The following ACACB variants were observed in gnomAD, a reference collection of about 807,000 sequenced individuals.
The protein encoded by ACACB is acetyl-CoA carboxylase 2.
A neutral mutation model predicts 278.8 loss-of-function variants in ACACB; 209 were observed. The ratio of observed to expected loss-of-function variants is 0.75; its 90% CI spans 0.67 to 0.84. The LOEUF (loss-of-function observed/expected upper bound fraction) is 0.84, where lower values mean the gene tolerates loss of function less well. ACACB is among the 40% of genes least tolerant of loss of function. The pLI is 0.00. For missense variants in ACACB, 2,850 were observed against 3,269.0 expected, an observed-to-expected ratio of 0.87 and a Z score of 3.13; for synonymous variants, 1,174 against 1,285.6, an observed-to-expected ratio of 0.91 and a Z score of 1.86.
chr12:109,146,087 AG>A (rs2043237586), intron 2 of ACACB, among the ~76,000 whole-genome samples: 1 of 152,234 alleles, frequency 6.6e-6, no homozygotes. Context: ...TAACCGTTTG[AG>A]GTCCTGTTTC....
intron 1 of ACACB, among the ~76,000 whole-genome samples, chr12:109,137,689 A>G (rs2043002047): frequency 1.3e-5 from 2 of 152,048 alleles, no homozygotes; most frequent in Non-Finnish European, 1.5e-5. Flanking sequence ...TTAGATACCA[A>G]ATTGACCTGC....
chr12:109,192,100 G>A, intron 15 of ACACB, 150 bp downstream of exon 15: 1 of 817,710 alleles, frequency 1.2e-6, no homozygotes, highest in South Asian at 1.7e-5. Context: ...TTCCTCTACA[G>A]ATCAACCTAG....
intron 2 of ACACB, among the ~76,000 whole-genome samples, chr12:109,156,603 TTG>T (rs1491373211): frequency 5.9e-4 from 46 of 77,762 alleles, no homozygotes; most frequent in African/African-American, 1.4e-3. Context: ...TTTTTTTTTT[TTG>T]GGGGGGGGCT....
rs750637220 is a variant in ACACB at position 109,174,178 on chromosome 12, C to T, written c.1164C>T (p.Ser388=). ...AMWALGDKIA[S]TVVAQTLQVP... ...GGGCCTTAGGAGATAAGATCGCCTCCACCGTTGTCGCCCAGACGCTACAGG... is the reference window on the plus strand; with the variant it reads ...GGGCCTTAGGAGATAAGATCGCCTCTACCGTTGTCGCCCAGACGCTACAGG... Residue 388 remains serine (S), a synonymous_variant, in exon 7 of 53, where the codon TCC becomes TCT. Transcript: ENST00000338432. 2 of 1,613,404 alleles carry T rather than the reference C, an allele frequency of 1.2e-6. No homozygotes were observed. Among genetic ancestry groups the T allele is most frequent in the Admixed American group, 3.3e-5 (2 of 59,962 alleles).
chr12:109,119,347 T>C (rs758764833), intron 1 of ACACB, among the ~76,000 whole-genome samples: 13 of 152,014 alleles, frequency 8.6e-5, no homozygotes, highest in Non-Finnish European at 1.5e-4. Flanking sequence ...TCCCAGCACT[T>C]TGGGAGGCTG....
chr12:109,112,900 G>C (rs1374853697), upstream of ACACB, among the ~76,000 whole-genome samples: 1 of 152,102 alleles, frequency 6.6e-6, no homozygotes, highest in Non-Finnish European at 1.5e-5. Flanking sequence ...GCAGTTACCC[G>C]TTCTCCGTGG....
At chr12:109,225,250 C>T (rs1257706746) in intron 27 of ACACB, among the ~76,000 whole-genome samples, 2 of 152,270 alleles carry the variant, frequency 1.3e-5, no homozygotes, top group African/African-American at 2.4e-5. Context: ...GCCTCACCCT[C>T]CCCAGTAGCT....
In ACACB at chr12:109,175,295, G is replaced by T. The variant is rs1349858057; in HGVS notation, c.1217-636G>T. Among the ~76,000 whole-genome samples, 10 of 151,992 alleles carry T rather than the reference G, an allele frequency of 6.6e-5. No homozygotes were observed. The East Asian group carries it at 1.9e-3, about 29-fold the overall frequency. The stretch of plus-strand genomic sequence containing the variant: ...ATTTGCTTTCATTTGTTAAATCTTT[G>T]CATGGTGTTGGGAAATAATTATTCA... On this transcript the variant is annotated intron_variant, in intron 7 of 52. Coordinates refer to ENST00000338432, the MANE Select transcript of ACACB (RefSeq NM_001093.4).
chr12:109,246,720 C>T lies in ACACB; in HGVS notation c.5571+272C>T, dbSNP rs746444896. ...AAACCCTGAGCTGATATACACTGAGCGCTCCTGAATGCAGTGTGCACTGAG... is the reference window on the plus strand; with the variant it reads ...AAACCCTGAGCTGATATACACTGAGTGCTCCTGAATGCAGTGTGCACTGAG... On this transcript the variant is annotated intron_variant, in intron 39 of 52. Coordinates refer to ENST00000338432, the MANE Select transcript of ACACB (RefSeq NM_001093.4). 4.6e-5 allele frequency among the ~76,000 whole-genome samples: 7 copies of T among 152,100 alleles called. No homozygotes were observed. The East Asian group carries it at 7.7e-4, about 17-fold the overall frequency.
intron 31 of ACACB, among the ~76,000 whole-genome samples, chr12:109,235,084 C>T (rs1274058999): frequency 6.6e-6 from 1 of 152,128 alleles, no homozygotes; most frequent in Non-Finnish European, 1.5e-5. Context: ...CCCAAAAACC[C>T]TCTCCCCACC....
chr12:109,151,770 C>G (rs2043381620), intron 2 of ACACB, among the ~76,000 whole-genome samples: 1 of 152,172 alleles, frequency 6.6e-6, no homozygotes, highest in Non-Finnish European at 1.5e-5. Flanking sequence ...GGGCTTAATG[C>G]ATGAGACAGC....
intron 28 of ACACB, among the ~76,000 whole-genome samples, chr12:109,230,165 T>C (rs2046427178): frequency 6.6e-6 from 1 of 152,226 alleles, no homozygotes; most frequent in Non-Finnish European, 1.5e-5. Flanking sequence ...TAAAATAACT[T>C]TCTTTTCCTG....
rs770652656 is a variant in ACACB, at chr12:109,139,400, T to C, written c.-6T>C. 2 of 1,605,084 alleles carry C rather than the reference T, an allele frequency of 1.2e-6. No individual in the cohort carries two copies. The highest frequency in any genetic ancestry group is 1.7e-6 in the Non-Finnish European group (2 of 1,175,244). On this transcript the variant is annotated 5_prime_UTR_variant, in exon 2 of 53. Transcript: ENST00000338432. ...GTCTCTCCTTTTCTCCTTACAGATTTTCTGAATGGTCTTGCTTCTTTGTCT... is the reference window on the plus strand; with the variant it reads ...GTCTCTCCTTTTCTCCTTACAGATTCTCTGAATGGTCTTGCTTCTTTGTCT...
intron 26 of ACACB, 103 bp downstream of exon 26, chr12:109,223,015 G>A: frequency 1.1e-6 from 1 of 906,432 alleles, no homozygotes; most frequent in African/African-American, 1.6e-5. Context: ...TGCTCAGTGG[G>A]GTGCAGGGCA....
At chr12:109,255,095 TACACAC>T (rs112899240) in intron 44 of ACACB, among the ~76,000 whole-genome samples, 9 of 149,148 alleles carry the variant, frequency 6.0e-5, no homozygotes, top group Non-Finnish European at 6.0e-5. Flanking sequence ...CTTCTATACC[TACACAC>T]ACACACACAC....
intron 2 of ACACB, among the ~76,000 whole-genome samples, chr12:109,147,705 T>G (rs1420560459): frequency 6.6e-6 from 1 of 152,178 alleles, no homozygotes; most frequent in African/African-American, 2.4e-5. Flanking sequence ...TTTGAATATC[T>G]GCTAAATACA....
At position 109,212,895 on chromosome 12, in the gene ACACB, C is replaced by G; in HGVS notation, c.3309C>G (p.Val1103=). ...TGCAGCGGAAGGCTGATCGAGAGGT[C>G]TTCTTCATCAACACCCAGAGCATCG... ...ATLQRKADRE[V]FFINTQSIVQ... Residue 1103 remains valine, a synonymous_variant, in exon 22 of 53, where the codon GTC becomes GTG. Transcript: ENST00000338432. The G allele has an allele frequency of 1.2e-6, 2 of 1,614,136 alleles. No individual in the cohort carries two copies. The highest frequency in any genetic ancestry group is 3.3e-4 in the Middle Eastern group (2 of 6,062).
chr12:109,246,158 G>T (rs745466371), intron 38 of ACACB, 21 bp from the exon 39 acceptor site: 1 of 1,595,126 alleles, frequency 6.3e-7, no homozygotes, highest in Non-Finnish European at 8.6e-7. Flanking sequence ...CATTTTCCTT[G>T]TGCATTCATC....
intron 1 of ACACB, among the ~76,000 whole-genome samples, chr12:109,125,093 C>T (rs2042645851): frequency 6.6e-6 from 1 of 152,160 alleles, no homozygotes. Flanking sequence ...AGGCAGAGTA[C>T]ATGGTTGATT....
Sources: allele counts gnomAD v4.1 joint callset (sites outside exome capture counted in the v4.1 genomes callset), GRCh38; gene constraint gnomAD v4.1.1; transcripts MANE v1.5; gene names NCBI Gene and HGNC (gene_info 2026-07-23, HGNC 2026-07-21).